PCDHGA3: variants seen among roughly 807,000 people sequenced by gnomAD.
PCDHGA3 encodes protocadherin gamma subfamily A, 3, also known as protocadherin gamma-A3.
Under a neutral mutation model 58.5 loss-of-function variants are expected in PCDHGA3, and 40 were observed. The ratio of observed to expected loss-of-function variants is 0.68; its 90% CI spans 0.53 to 0.89. The LOEUF is 0.89. PCDHGA3 is among the 40% of genes least tolerant of loss of function. PCDHGA3 has a pLI of 0.00. For synonymous variants in PCDHGA3, 530 were observed against 525.7 expected (o/e 1.01, Z -0.11); for missense variants, 1,223 against 1,195.9 (o/e 1.02, Z -0.33).
chr5:141,503,046 G>T (rs1187153008), intron 2 of PCDHGA3, among the ~76,000 whole-genome samples: 1 of 151,658 alleles, frequency 6.6e-6, no homozygotes, highest in Non-Finnish European at 1.5e-5. Flanking sequence ...GTTGAGACAG[G>T]GTTTCACCAT....
At position 141,351,482 on chromosome 5, in the gene PCDHGA3, C is replaced by A. The variant is rs148748054; in HGVS notation, c.2424+5025C>A. 6.5e-3 allele frequency: 10,410 copies of A among 1,613,848 alleles called. 45 individuals carry two copies. The highest frequency in any genetic ancestry group is 6.8e-3 in the Non-Finnish European group (8,040 of 1,179,816). On this transcript the variant is annotated intron_variant, in intron 1 of 3. Coordinates refer to ENST00000253812, the MANE Select transcript of PCDHGA3 (RefSeq NM_018916.4). ...GCTGGTGATTGCTGGAGCCCTAAAC[C>A]GGGAGCAGACAGCAGACTACAACGT... is the stretch of plus-strand genomic sequence containing the variant.
At chr5:141,356,989 G>A (rs1760420432) in intron 1 of PCDHGA3, 4 of 1,614,240 alleles carry the variant, frequency 2.5e-6, no homozygotes, top group Non-Finnish European at 3.4e-6. Context: ...AGTGGACAGA[G>A]ACTCAGGTCA....
intron 1 of PCDHGA3, among the ~76,000 whole-genome samples, chr5:141,357,968 T>C (rs1760776838): frequency 6.6e-6 from 1 of 152,172 alleles, no homozygotes; most frequent in Non-Finnish European, 1.5e-5. Context: ...GGAGGACGGA[T>C]TGCCTGAGCT....
At position 141,485,074 on chromosome 5, in the gene PCDHGA3, G is replaced by T. The variant is rs2099606548; in HGVS notation, c.2425-9733G>T. On this transcript the variant is annotated intron_variant, in intron 1 of 3. Transcript: ENST00000253812. The surrounding 1 kb of genome is among the most constrained non-coding windows in gnomAD (Gnocchi z 5.7). ...GGCCGAACCGCGCCAGAGCTGGCGCGGGGAAAGGGAGATAGGTGTCTCCAG... is the reference window on the plus strand; with the variant it reads ...GGCCGAACCGCGCCAGAGCTGGCGCTGGGAAAGGGAGATAGGTGTCTCCAG... The T allele has an allele frequency of 2.2e-6, 2 of 926,946 alleles. No homozygotes were observed. The highest frequency in any genetic ancestry group is 3.4e-6 in the Non-Finnish European group (2 of 596,630). 57.4% of individuals were successfully genotyped at this position (926,946 alleles called of 1,614,324 possible). A position where few individuals can be genotyped will look rare whatever the true frequency, so the allele number is the denominator to read the frequency against.
chr5:141,510,840 A>C (rs2099882997), intron 3 of PCDHGA3, 107 bp from the exon 4 acceptor site: 1 of 1,588,450 alleles, frequency 6.3e-7, no homozygotes, highest in Non-Finnish European at 8.6e-7. Context: ...CAGCGTGGTC[A>C]AGGCCCAGGG....
rs753538822 is a variant in PCDHGA3, at chr5:141,476,676, G to C, written c.2425-18131G>C. 6 of 1,614,222 alleles carry C rather than the reference G, an allele frequency of 3.7e-6. No individual in the cohort carries two copies. Among genetic ancestry groups the C allele is most frequent in the Non-Finnish European group, 4.2e-6 (5 of 1,180,054 alleles). ...TACTTTGCGCTTCGCGTGCAGACGCGGGAGGACAGCACCAAGTACGCGGAG... is the reference window on the plus strand; with the variant it reads ...TACTTTGCGCTTCGCGTGCAGACGCCGGAGGACAGCACCAAGTACGCGGAG... On this transcript the variant is annotated intron_variant, in intron 1 of 3. Transcript: ENST00000253812. The surrounding 1 kb of genome is among the most constrained non-coding windows in gnomAD (Gnocchi z 7.6).
chr5:141,366,087 A>G, intron 1 of PCDHGA3: 1 of 1,614,230 alleles, frequency 6.2e-7, no homozygotes, highest in Non-Finnish European at 8.5e-7. Flanking sequence ...GAACCTGGCT[A>G]CCTGGTGACC....
chr5:141,376,183 C>A, intron 1 of PCDHGA3: 1 of 1,614,148 alleles, frequency 6.2e-7, no homozygotes, highest in Non-Finnish European at 8.5e-7. Flanking sequence ...TGGCCGCGGT[C>A]TCCTGCGTCT....
intron 1 of PCDHGA3, chr5:141,441,834 C>T (rs370689467): frequency 2.6e-5 from 9 of 352,638 alleles, no homozygotes; most frequent in Non-Finnish European, 3.9e-5. Flanking sequence ...GCAATGGCTT[C>T]GCGCTCTTGG....
chr5:141,374,318 C>G (rs773144400), intron 1 of PCDHGA3: 2 of 1,613,996 alleles, frequency 1.2e-6, no homozygotes, highest in South Asian at 2.2e-5. Flanking sequence ...CTCTCTGAAT[C>G]CGCGAAACGG....
At position 141,426,439 on chromosome 5, in the gene PCDHGA3, G is replaced by C. The variant is rs149215795; in HGVS notation, c.2425-68368G>C. On this transcript the variant is annotated intron_variant, in intron 1 of 3. Transcript: ENST00000253812. ...GGGCTCCGTGGTGGGGAACCTTGCG[G>C]AGGACATGCGGCTGCATGTTCAGGA... 7.8e-4 allele frequency: 237 copies of C among 302,398 alleles called. 1 individual carries two copies. The highest frequency in any genetic ancestry group is 4.6e-3 in the African/African-American group (214 of 46,260). The allele number at this position is 302,398 out of a possible 1,614,324, so 18.7% of individuals were successfully genotyped here.
At chr5:141,414,037 T>C (rs769920301) in intron 1 of PCDHGA3, 2 of 1,611,060 alleles carry the variant, frequency 1.2e-6, no homozygotes, top group Admixed American at 1.7e-5. Context: ...ATTCCGAAAA[T>C]TACCTGACAC....
At chr5:141,376,171 G>C (rs758847977) in intron 1 of PCDHGA3, 5 of 1,614,096 alleles carry the variant, frequency 3.1e-6, no homozygotes. Flanking sequence ...TGGTGGTGGC[G>C]GTGGCCGCGG....
chr5:141,408,197 C>A (rs2095057098), intron 1 of PCDHGA3: 5 of 1,546,080 alleles, frequency 3.2e-6, no homozygotes, highest in Non-Finnish European at 4.4e-6. Context: ...AGAACCCGAG[C>A]GAACGATGGG....
chr5:141,361,358 G>A, intron 1 of PCDHGA3: 1 of 1,613,958 alleles, frequency 6.2e-7, no homozygotes, highest in South Asian at 1.1e-5. Flanking sequence ...GTGACAGACG[G>A]CGCTCTGGAC....
In PCDHGA3 at chr5:141,356,315, A is replaced by G. The variant is rs748014079; in HGVS notation, c.2424+9858A>G. 1.7e-5 allele frequency: 27 copies of G among 1,554,222 alleles called. No homozygotes were observed. The highest frequency in any genetic ancestry group is 1.9e-5 in the Non-Finnish European group (22 of 1,148,376). On this transcript the variant is annotated intron_variant, in intron 1 of 3. Coordinates refer to ENST00000253812, the MANE Select transcript of PCDHGA3 (RefSeq NM_018916.4). ...ACAGTAATTGCACTTTTCAACGTGC[A>G]TGACAGTGACTCAGGAGGAAATGGC...
chr5:141,393,735 G>T, intron 1 of PCDHGA3: 1 of 1,613,858 alleles, frequency 6.2e-7, no homozygotes, highest in Non-Finnish European at 8.5e-7. Context: ...AAAAAGTCTA[G>T]ATTATGAAGA....
chr5:141,473,974 C>G (rs958240236), intron 1 of PCDHGA3, among the ~76,000 whole-genome samples: 33 of 152,054 alleles, frequency 2.2e-4, no homozygotes, highest in Admixed American at 2.2e-3. Context: ...AAGTCTGAGG[C>G]GGGAGGATCC....
At chr5:141,500,866 A>C (rs576713520) in intron 2 of PCDHGA3, among the ~76,000 whole-genome samples, 1 of 146,112 alleles carries the variant, frequency 6.8e-6, no homozygotes, top group Non-Finnish European at 1.5e-5. Context: ...AAACATACAC[A>C]TTCATTTACA....
Sources: allele counts gnomAD v4.1 joint callset (sites outside exome capture counted in the v4.1 genomes callset), GRCh38; gene constraint gnomAD v4.1.1; non-coding constraint Gnocchi (gnomAD v3.1); transcripts MANE v1.5; gene names NCBI Gene and HGNC (gene_info 2026-07-23, HGNC 2026-07-21).